The following TNNI2 variants were observed in gnomAD, a reference collection of about 807,000 sequenced individuals.
The protein encoded by TNNI2 is troponin I, fast skeletal muscle.
TNNI2 carries 14 observed loss-of-function variants against 26.5 expected under a neutral mutation model. That is an observed-to-expected ratio of 0.53 (90% CI 0.35 to 0.83). The LOEUF (loss-of-function observed/expected upper bound fraction) is 0.83, where lower values mean the gene tolerates loss of function less well. TNNI2 is among the 40% of genes least tolerant of loss of function. TNNI2 has a pLI of 0.01. For missense variants in TNNI2, 205 were observed against 248.5 expected, an observed-to-expected ratio of 0.82 and a Z score of 1.18; for synonymous variants, 126 against 97.6, an observed-to-expected ratio of 1.29 and a Z score of -1.71.
chr11:1,839,448 C>A, intron 1 of TNNI2: 1 of 552,206 alleles, frequency 1.8e-6, no homozygotes, highest in Middle Eastern at 4.9e-4. Context: ...GCTCCTCAGG[C>A]TATGCCTGGG....
intron 3 of TNNI2, 110 bp from the exon 4 acceptor site, chr11:1,840,292 CT>C: frequency 1.3e-6 from 2 of 1,546,852 alleles, no homozygotes; most frequent in East Asian, 4.9e-5. Context: ...AGCCCCCAGG[CT>C]CTGCTGGTCC....
At position 1,841,542 on chromosome 11, in the gene TNNI2, C is replaced by T. The variant is rs375200601; in HGVS notation, c.540C>T (p.Ser180=). 63 of 1,613,924 alleles carry T rather than the reference C, an allele frequency of 3.9e-5. No homozygotes were observed. Among genetic ancestry groups the T allele is most frequent in the Middle Eastern group, 1.6e-4 (1 of 6,084 alleles). Residue 180 remains serine, a synonymous_variant, in exon 8 of 8, where the codon TCC becomes TCT. Coordinates refer to ENST00000381911, the MANE Select transcript of TNNI2 (RefSeq NM_003282.4). ...GMEGRKKMFE[S]ES is the part of the protein sequence containing the mutation. ...AGGGCCGGAAGAAGATGTTTGAGTC[C>T]GAGTCCTAGGCCACTCGCTGCCCCT... is the stretch of plus-strand genomic sequence containing the variant.
At chr11:1,839,569 AG>A in intron 1 of TNNI2, 105 bp from the exon 2 acceptor site, 1 of 940,434 alleles carries the variant, frequency 1.1e-6, no homozygotes, top group Non-Finnish European at 1.4e-6. Flanking sequence ...GGTGGGCGGG[AG>A]GGGGCTGTCA....
At chr11:1,839,763 C>G in intron 2 of TNNI2, 59 bp downstream of exon 2, 1 of 1,612,970 alleles carries the variant, frequency 6.2e-7, no homozygotes, top group Non-Finnish European at 8.5e-7. Context: ...CCCTGTCCAC[C>G]CCATCACACA....
rs779992856 is a variant in TNNI2 at position 1,841,057 on chromosome 11, T to A, written c.303T>A (p.Phe101Leu). The change falls in exon 7 of 8, where the codon TTT becomes TTA. Residue 101 changes from phenylalanine (F) to leucine (L), a missense_variant. Phe to Leu is a conservative substitution (Grantham distance 22). Coordinates refer to ENST00000381911, the MANE Select transcript of TNNI2 (RefSeq NM_003282.4). ...KELEDMNQKL[F>L]DLRGKFKRPP... ...TGGAGGACATGAACCAGAAGCTATT[T>A]GATCTGCGGGGCAAGTTCAAGCGGC... 3 of 1,612,928 alleles carry A rather than the reference T, an allele frequency of 1.9e-6. No individual in the cohort carries two copies. In the African/African-American group the frequency reaches 4.0e-5, roughly 22 times the overall value.
chr11:1,840,246 G>A (rs1847132388), intron 3 of TNNI2, 157 bp from the exon 4 acceptor site: 2 of 1,550,340 alleles, frequency 1.3e-6, no homozygotes, highest in Non-Finnish European at 8.7e-7. Flanking sequence ...AAGGTCTGGG[G>A]CCAGGGAGGC....
chr11:1,839,515 G>A, intron 1 of TNNI2, 160 bp from the exon 2 acceptor site: 1 of 630,936 alleles, frequency 1.6e-6, no homozygotes, highest in Non-Finnish European at 2.7e-6. Context: ...CCAAGACATT[G>A]TCCTTGAAGG....
intron 7 of TNNI2, 96 bp downstream of exon 7, chr11:1,841,303 G>A: frequency 1.9e-6 from 3 of 1,564,120 alleles, no homozygotes; most frequent in Non-Finnish European, 1.7e-6. Flanking sequence ...CACCTGCCCT[G>A]CCGGGGGCCC....
chr11:1,841,005 C>T (rs1469835165), intron 6 of TNNI2, 26 bp from the exon 7 acceptor site: 2 of 1,608,600 alleles, frequency 1.2e-6, no homozygotes, highest in South Asian at 1.1e-5. Flanking sequence ...GGACCTCGGG[C>T]TCCCACCCGG....
In TNNI2 at chr11:1,841,508, C is replaced by T. The variant is rs1413078856; in HGVS notation, c.506C>T (p.Ser169Phe). The change falls in exon 8 of 8, where the codon TCT becomes TTT. Residue 169 changes from serine (S) to phenylalanine (F), a missense_variant. By Grantham distance (155) the Ser-to-Phe change is radical. Transcript: ENST00000381911. Reference sequence around the variant, plus strand: ...TGGAGGAAGAACATCGAGGAGAAGTCTGGCATGGAGGGCCGGAAGAAGATG... The same window carrying T: ...TGGAGGAAGAACATCGAGGAGAAGTTTGGCATGGAGGGCCGGAAGAAGATG... ...GDWRKNIEEK[S>F]GMEGRKKMFE... is the part of the protein sequence containing the mutation. The T allele has an allele frequency of 6.2e-7, 1 of 1,614,150 alleles. No individual in the cohort carries two copies. The highest frequency in any genetic ancestry group is 8.5e-7 in the Non-Finnish European group (1 of 1,180,002).
At chr11:1,840,086 ACTT>A (rs1437735075) in intron 3 of TNNI2, 27 of 1,129,926 alleles carry the variant, frequency 2.4e-5, no homozygotes, top group Middle Eastern at 4.0e-4. Flanking sequence ...CAGGGGAATC[ACTT>A]CTTCTTTCTG....
intron 7 of TNNI2, 68 bp downstream of exon 7, chr11:1,841,275 C>T: frequency 6.3e-7 from 1 of 1,587,456 alleles, no homozygotes; most frequent in South Asian, 1.1e-5. Context: ...ACCTGCCCCG[C>T]CTGGGGACCA....
chr11:1,840,960 G>A (rs1022153879), intron 6 of TNNI2, 52 bp downstream of exon 6: 2 of 1,591,446 alleles, frequency 1.3e-6, no homozygotes, highest in Non-Finnish European at 1.7e-6. Context: ...GGCCCAGCGG[G>A]CAGGCGGGGC....
rs751364616 is a variant in TNNI2 at position 1,840,464 on chromosome 11, G to A, written c.57+20G>A. ...CTGAAGGTAGGTGTGGGCTCCCGGGGGGGTGGCCCAGGTGGGTCTGCAGGG... is the reference window on the plus strand; with the variant it reads ...CTGAAGGTAGGTGTGGGCTCCCGGGAGGGTGGCCCAGGTGGGTCTGCAGGG... On this transcript the variant is annotated intron_variant, in intron 4 of 7. Coordinates refer to ENST00000381911, the MANE Select transcript of TNNI2 (RefSeq NM_003282.4). The A allele has an allele frequency of 2.5e-6, 4 of 1,610,728 alleles. No individual in the cohort carries two copies. Among genetic ancestry groups the A allele is most frequent in the South Asian group, 1.1e-5 (1 of 90,926 alleles).
At position 1,840,957 on chromosome 11, in the gene TNNI2, C is replaced by A. The variant is rs185908824; in HGVS notation, c.276+49C>A. 4.3e-4 allele frequency: 692 copies of A among 1,594,542 alleles called. 6 individuals carry two copies. The African/African-American group carries it at 7.9e-3, about 18-fold the overall frequency. On this transcript the variant is annotated intron_variant, in intron 6 of 7. Transcript: ENST00000381911. ...GGCAGGCGGGTAGGCGGTGGCCCAGCGGGCAGGCGGGGCGGGCCGGGGAGG... is the reference window on the plus strand; with the variant it reads ...GGCAGGCGGGTAGGCGGTGGCCCAGAGGGCAGGCGGGGCGGGCCGGGGAGG...
In TNNI2 at chr11:1,839,846, C is replaced by G. The variant is rs1341273390; in HGVS notation, c.9-3C>G. 1.2e-6 allele frequency: 2 copies of G among 1,613,796 alleles called. No individual in the cohort carries two copies. Among genetic ancestry groups the G allele is most frequent in the Non-Finnish European group, 1.7e-6 (2 of 1,179,898 alleles). On this transcript the variant is annotated splice_region_variant and splice_polypyrimidine_tract_variant and intron_variant, in intron 2 of 7. Coordinates refer to ENST00000381911, the MANE Select transcript of TNNI2 (RefSeq NM_003282.4). ...CCTGCCTGCGTCCTCCCTCCCTGGA[C>G]AGTGAGGAGGTAAGTAGTTGCTGGG...
At chr11:1,841,384 T>A (rs1196443854) in intron 7 of TNNI2, 72 bp from the exon 8 acceptor site, 4 of 1,566,358 alleles carry the variant, frequency 2.6e-6, no homozygotes, top group Non-Finnish European at 3.5e-6. Flanking sequence ...AAACTGAGGC[T>A]GAAGGTGGTG....
intron 3 of TNNI2, 141 bp downstream of exon 3, chr11:1,839,996 C>T: frequency 7.7e-7 from 1 of 1,303,074 alleles, no homozygotes; most frequent in Non-Finnish European, 1.1e-6. Context: ...CCCCACCCAC[C>T]CACCAAGACG....
intron 2 of TNNI2, 63 bp downstream of exon 2, chr11:1,839,767 TCA>T: frequency 6.2e-7 from 1 of 1,612,684 alleles, no homozygotes; most frequent in Non-Finnish European, 8.5e-7. Context: ...GTCCACCCCA[TCA>T]CACACTCCGA....
Sources: allele counts gnomAD v4.1 joint callset, GRCh38; gene constraint gnomAD v4.1.1; transcripts MANE v1.5; gene names NCBI Gene and HGNC (gene_info 2026-07-23, HGNC 2026-07-21).